The following NDC1 variants were observed in gnomAD, a reference collection of about 807,000 sequenced individuals.
NDC1 encodes the protein nucleoporin NDC1.
In NDC1, 24 loss-of-function variants were observed where a neutral mutation model predicts 89.8. That is an observed-to-expected ratio of 0.27 (90% CI 0.19 to 0.38). NDC1 has a LOEUF of 0.38. NDC1 is among the 10% of genes least tolerant of loss of function. NDC1 has a pLI of 1.00. For missense variants in NDC1, 728 were observed against 797.6 expected (o/e 0.91, Z 1.05); for synonymous variants, 296 against 284.8 (o/e 1.04, Z -0.39).
At chr1:53,817,028 T>C (rs985482175) in intron 6 of NDC1, among the ~76,000 whole-genome samples, 6 of 152,180 alleles carry the variant, frequency 3.9e-5, no homozygotes, top group East Asian at 1.9e-4. Flanking sequence ...AAGGAACACT[T>C]CTACACTGCT....
chr1:53,796,013 C>T (rs1181897702), intron 13 of NDC1, among the ~76,000 whole-genome samples: 1 of 152,178 alleles, frequency 6.6e-6, no homozygotes, highest in Non-Finnish European at 1.5e-5. Flanking sequence ...GTTCTTCACA[C>T]AAGCCAAGGC....
intron 13 of NDC1, 125 bp downstream of exon 13, chr1:53,796,564 G>A: frequency 1.8e-6 from 1 of 568,112 alleles, no homozygotes. Context: ...TTTCATTTGA[G>A]TCAATACACG....
At position 53,788,444 on chromosome 1, in the gene NDC1, G is replaced by A. The variant is rs548058850; in HGVS notation, c.1699+689C>T. Among the ~76,000 whole-genome samples, 5 of 149,908 alleles carry A rather than the reference G, an allele frequency of 3.3e-5. No homozygotes were observed. In the East Asian group the frequency reaches 7.9e-4, roughly 24 times the overall value. On this transcript the variant is annotated intron_variant, in intron 15 of 17. Transcript: ENST00000371429. ...CTACAAAAAAAAAATTTTTTTTTTT[G>A]AGATGGAGTTGCGCTATTTGTTACC...
At chr1:53,836,731 A>C (rs545540762) in intron 1 of NDC1, among the ~76,000 whole-genome samples, 1 of 151,894 alleles carries the variant, frequency 6.6e-6, no homozygotes, top group African/African-American at 2.4e-5. Context: ...CAGCCTCCCA[A>C]AGTGTTAAGA....
rs1647080180 is a variant in NDC1 at position 53,767,960 on chromosome 1, T to C, written c.*10A>G. On this transcript the variant is annotated 3_prime_UTR_variant, in exon 18 of 18. Transcript: ENST00000371429. The stretch of plus-strand genomic sequence containing the variant: ...TCAGCAGTGTAATGAACACAGTTTA[T>C]ATTACTTAACTATTCTTTGAACTCC... 2 of 1,572,032 alleles carry C rather than the reference T, an allele frequency of 1.3e-6. No individual in the cohort carries two copies. Among genetic ancestry groups the C allele is most frequent in the African/African-American group, 1.4e-5 (1 of 73,980 alleles).
chr1:53,773,599 G>A (rs906845256), intron 16 of NDC1, among the ~76,000 whole-genome samples: 2 of 152,192 alleles, frequency 1.3e-5, no homozygotes, highest in Admixed American at 1.3e-4. Flanking sequence ...GTGCATGACT[G>A]GGGATTACAG....
chr1:53,790,934 T>C (rs1181169), intron 14 of NDC1, among the ~76,000 whole-genome samples: 2,359 of 152,226 alleles, frequency 0.015, 65 homozygotes, highest in African/African-American at 0.053. Flanking sequence ...GAGTATAATA[T>C]GTTTTTGTTA....
chr1:53,810,628 A>G (rs1648273376), intron 6 of NDC1, among the ~76,000 whole-genome samples: 1 of 152,224 alleles, frequency 6.6e-6, no homozygotes, highest in South Asian at 2.1e-4. Flanking sequence ...AATGAGGCTG[A>G]GCGTGATGGC....
chr1:53,812,905 T>C (rs1648359317), intron 6 of NDC1, among the ~76,000 whole-genome samples: 1 of 145,376 alleles, frequency 6.9e-6, no homozygotes, highest in South Asian at 2.1e-4. Context: ...TAACAGCAGA[T>C]TTATCAGCAG....
At chr1:53,825,205 G>A (rs1648808348) in intron 5 of NDC1, among the ~76,000 whole-genome samples, 2 of 151,844 alleles carry the variant, frequency 1.3e-5, no homozygotes, top group Non-Finnish European at 2.9e-5. Context: ...GCTGGGCGTG[G>A]TGGCTCATGC....
intron 16 of NDC1, among the ~76,000 whole-genome samples, chr1:53,775,553 C>A (rs1218263988): frequency 6.6e-6 from 1 of 152,174 alleles, no homozygotes; most frequent in Admixed American, 6.5e-5. Context: ...GCTACCGCAC[C>A]TGGCTGCAAA....
At chr1:53,805,768 C>T (rs55949318) in intron 9 of NDC1, among the ~76,000 whole-genome samples, 1 of 152,048 alleles carries the variant, frequency 6.6e-6, no homozygotes, top group Non-Finnish European at 1.5e-5. Flanking sequence ...TGTTTTGATC[C>T]AGTGATTAAA....
At chr1:53,819,514 G>C (rs1404358663) in intron 5 of NDC1, among the ~76,000 whole-genome samples, 1 of 152,162 alleles carries the variant, frequency 6.6e-6, no homozygotes, top group Non-Finnish European at 1.5e-5. Context: ...TAGAGATGAA[G>C]AAAACAAGGC....
In NDC1 at chr1:53,832,548, G is replaced by A. The variant is rs1419974760; in HGVS notation, c.222C>T (p.Phe74=). Residue 74 remains phenylalanine (F), a synonymous_variant, in exon 3 of 18, where the codon TTC becomes TTT. Coordinates refer to ENST00000371429, the MANE Select transcript of NDC1 (RefSeq NM_018087.5). ...TTATTATTACCACTGACAGCAGCAGGAAGTAAAAGATTACATAGGAACTAT... is the reference window on the plus strand; with the variant it reads ...TTATTATTACCACTGACAGCAGCAGAAAGTAAAAGATTACATAGGAACTAT... ...DLYSSYVIFY[F]LLLSVVIIII... is the part of the protein sequence containing the mutation. 5 of 1,600,730 alleles carry A rather than the reference G, an allele frequency of 3.1e-6. No homozygotes were observed. Among genetic ancestry groups the A allele is most frequent in the Non-Finnish European group, 3.4e-6 (4 of 1,168,094 alleles).
In NDC1 at chr1:53,797,060, G is replaced by A; in HGVS notation, c.1307C>T (p.Ser436Leu). ...CACAACATCAGGTGTAGATAATTTT[G>A]AAGAAAACAGTGATGTTTTAACTAA... ...PPLVKTSLFS[S>L]KLSTPDVVSP... is the part of the protein sequence containing the mutation. Residue 436 changes from serine (S) to leucine (L), a missense_variant, in exon 12 of 18, where the codon TCA becomes TTA. Transcript: ENST00000371429. The A allele has an allele frequency of 6.2e-7, 1 of 1,614,062 alleles. No homozygotes were observed. Among genetic ancestry groups the A allele is most frequent in the East Asian group, 2.2e-5 (1 of 44,884 alleles).
At chr1:53,826,345 C>A (rs1340021337) in intron 4 of NDC1, among the ~76,000 whole-genome samples, 1 of 152,150 alleles carries the variant, frequency 6.6e-6, no homozygotes, top group Non-Finnish European at 1.5e-5. Flanking sequence ...AAAATTGCTA[C>A]AAGAGATGCT....
chr1:53,780,465 C>T (rs749938446), intron 16 of NDC1, among the ~76,000 whole-genome samples: 2 of 152,158 alleles, frequency 1.3e-5, no homozygotes, highest in African/African-American at 2.4e-5. Context: ...TGTAAGCTCC[C>T]GGAGGGCAGG....
intron 6 of NDC1, among the ~76,000 whole-genome samples, chr1:53,818,346 C>G (rs980593629): frequency 6.6e-6 from 1 of 151,448 alleles, no homozygotes; most frequent in East Asian, 1.9e-4. Flanking sequence ...GAAGCTGAGG[C>G]AGGAGAATCA....
At chr1:53,808,009 T>A (rs1405339963) in intron 7 of NDC1, among the ~76,000 whole-genome samples, 1 of 152,176 alleles carries the variant, frequency 6.6e-6, no homozygotes, top group African/African-American at 2.4e-5. Context: ...GGGGCTACAG[T>A]TTCCTGTGTT....
Sources: allele counts gnomAD v4.1 joint callset (sites outside exome capture counted in the v4.1 genomes callset), GRCh38; gene constraint gnomAD v4.1.1; transcripts MANE v1.5; gene names NCBI Gene and HGNC (gene_info 2026-07-23, HGNC 2026-07-21).